The following LDLRAD3 variants were observed in gnomAD, a reference collection of about 807,000 sequenced individuals.
The protein encoded by LDLRAD3 is low-density lipoprotein receptor class A domain-containing protein 3.
A neutral mutation model predicts 29.4 loss-of-function variants in LDLRAD3; 20 were observed. That is an observed-to-expected ratio of 0.68 (90% CI 0.48 to 0.99). LDLRAD3 has a LOEUF of 0.99. Ranked by LOEUF, LDLRAD3 falls within the 50% of genes least tolerant of loss-of-function variation. LDLRAD3 has a pLI of 0.00. For missense variants in LDLRAD3, 420 were observed against 454.3 expected (o/e 0.92, Z 0.69); for synonymous variants, 157 against 192.7 (o/e 0.81, Z 1.53).
In LDLRAD3 at chr11:36,017,751, C is replaced by T. The variant is rs1852042332; in HGVS notation, c.47-18352C>T. Reference sequence around the variant, plus strand: ...TGTTGGCCAGGCTGGTCTCCAACTCCCGACCTCAAGTGATCCACCCGCTTG... The same window carrying T: ...TGTTGGCCAGGCTGGTCTCCAACTCTCGACCTCAAGTGATCCACCCGCTTG... On this transcript the variant is annotated intron_variant, in intron 1 of 5. Coordinates refer to ENST00000315571, the MANE Select transcript of LDLRAD3 (RefSeq NM_174902.4). Among the ~76,000 whole-genome samples the T allele has an allele frequency of 2.0e-5, 3 of 152,074 alleles. No individual in the cohort carries two copies. The South Asian group carries it at 6.2e-4, about 32-fold the overall frequency.
chr11:35,961,346 C>G (rs1415760524), intron 1 of LDLRAD3, among the ~76,000 whole-genome samples: 1 of 152,344 alleles, frequency 6.6e-6, no homozygotes, highest in African/African-American at 2.4e-5. Context: ...GTTCAGAAGG[C>G]AGGCTCTTGA....
rs531938520 is a variant in LDLRAD3, at chr11:36,010,463, A to T, written c.47-25640A>T. Reference sequence around the variant, plus strand: ...AAATTTCCAATAGCTTCCAAATTGGATTTTCTTATTACTTTTCTTTCCCAT... The same window carrying T: ...AAATTTCCAATAGCTTCCAAATTGGTTTTTCTTATTACTTTTCTTTCCCAT... On this transcript the variant is annotated intron_variant, in intron 1 of 5. Transcript: ENST00000315571. Among the ~76,000 whole-genome samples the T allele has an allele frequency of 2.0e-4, 30 of 152,176 alleles. 1 individual carries two copies. The South Asian group carries it at 5.4e-3, about 27-fold the overall frequency.
chr11:36,029,315 G>A (rs2133204492), intron 1 of LDLRAD3, among the ~76,000 whole-genome samples: 1 of 152,292 alleles, frequency 6.6e-6, no homozygotes, highest in South Asian at 2.1e-4. Flanking sequence ...TTCCGTAGAT[G>A]TCAGGTCTTC....
At chr11:35,950,005 T>C (rs1851111080) in intron 1 of LDLRAD3, among the ~76,000 whole-genome samples, 2 of 152,262 alleles carry the variant, frequency 1.3e-5, no homozygotes, top group Non-Finnish European at 2.9e-5. Context: ...TTTATTTGGT[T>C]GTTCGTCATT....
At chr11:36,191,580 A>ATATATG (rs1854949107) in intron 4 of LDLRAD3, among the ~76,000 whole-genome samples, 2 of 63,472 alleles carry the variant, frequency 3.2e-5, no homozygotes, top group African/African-American at 1.3e-4. Context: ...CTCTCTCTAT[A>ATATATG]TATATATATA....
chr11:36,078,466 G>T (rs1853053956), intron 2 of LDLRAD3, among the ~76,000 whole-genome samples: 1 of 152,194 alleles, frequency 6.6e-6, no homozygotes, highest in Admixed American at 6.5e-5. Context: ...GCTGCCCTGA[G>T]CGTGCACACA....
At chr11:36,212,407 A>G (rs1855294541) in intron 4 of LDLRAD3, among the ~76,000 whole-genome samples, 1 of 152,102 alleles carries the variant, frequency 6.6e-6, no homozygotes, top group South Asian at 2.1e-4. Context: ...TTCTGAAGCA[A>G]TGACACAATT....
chr11:35,960,786 G>A (rs866630353), intron 1 of LDLRAD3, among the ~76,000 whole-genome samples: 28 of 152,120 alleles, frequency 1.8e-4, no homozygotes, highest in Admixed American at 1.5e-3. Context: ...TAGTAGAGAC[G>A]GAGTCTCACC....
At chr11:36,033,176 C>G (rs1181949306) in intron 1 of LDLRAD3, among the ~76,000 whole-genome samples, 1 of 152,280 alleles carries the variant, frequency 6.6e-6, no homozygotes, top group Admixed American at 6.5e-5. Flanking sequence ...ACCGGCCCTC[C>G]TCATGCTTTG....
intron 4 of LDLRAD3, among the ~76,000 whole-genome samples, chr11:36,157,934 G>T (rs1854378317): frequency 6.6e-6 from 1 of 152,214 alleles, no homozygotes; most frequent in East Asian, 1.9e-4. Flanking sequence ...TCAGTAGAAG[G>T]TAACCTGTTG....
intron 4 of LDLRAD3, among the ~76,000 whole-genome samples, chr11:36,109,211 A>G (rs1565228942): frequency 6.6e-6 from 1 of 152,134 alleles, no homozygotes; most frequent in Non-Finnish European, 1.5e-5. Context: ...TTGGTCAAGG[A>G]GAGAATCTTT....
chr11:36,183,976 TTTTTC>T, intron 4 of LDLRAD3: 1 of 321,794 alleles, frequency 3.1e-6, no homozygotes, highest in Non-Finnish European at 6.0e-6. Flanking sequence ...TTTTTTTTTT[TTTTTC>T]CCGAGATGGA....
At chr11:36,036,543 C>T (rs1024036689) in intron 2 of LDLRAD3, among the ~76,000 whole-genome samples, 2 of 152,126 alleles carry the variant, frequency 1.3e-5, no homozygotes, top group Admixed American at 1.3e-4. Flanking sequence ...GCTTTATGTA[C>T]GAGCCAACTG....
chr11:36,110,695 G>A (rs1046295735), intron 4 of LDLRAD3, among the ~76,000 whole-genome samples: 1 of 152,194 alleles, frequency 6.6e-6, no homozygotes, highest in Non-Finnish European at 1.5e-5. Flanking sequence ...CCCAGGTACT[G>A]GAAGAAATAC....
At chr11:36,179,116 T>C (rs1854719741) in intron 4 of LDLRAD3, among the ~76,000 whole-genome samples, 1 of 149,956 alleles carries the variant, frequency 6.7e-6, no homozygotes, top group Non-Finnish European at 1.5e-5. Context: ...GACATGGGAA[T>C]CCCAGGGTGT....
rs183471022 is a variant in LDLRAD3 at position 36,069,433 on chromosome 11, G to A, written c.194-12220G>A. 8.5e-5 allele frequency among the ~76,000 whole-genome samples: 13 copies of A among 152,314 alleles called. No homozygotes were observed. In the East Asian group the frequency reaches 2.5e-3, roughly 29 times the overall value. On this transcript the variant is annotated intron_variant, in intron 2 of 5. Coordinates refer to ENST00000315571, the MANE Select transcript of LDLRAD3 (RefSeq NM_174902.4). ...ATATTAATAGCAGCAACATCAGATC[G>A]ACCGCTTTTTGCAGTTTTTAGCTAG...
At chr11:36,011,022 C>G (rs949356222) in intron 1 of LDLRAD3, among the ~76,000 whole-genome samples, 2 of 152,174 alleles carry the variant, frequency 1.3e-5, no homozygotes, top group African/African-American at 4.8e-5. Flanking sequence ...TCAGGCTGGT[C>G]TCGAACTCCT....
rs147009906 is a variant in LDLRAD3 at position 35,975,057 on chromosome 11, G to A, written c.46+30913G>A. 7.9e-3 allele frequency among the ~76,000 whole-genome samples: 1,199 copies of A among 152,268 alleles called. 4 individuals are homozygous for A. The highest frequency in any genetic ancestry group is 0.012 in the Admixed American group (191 of 15,300). On this transcript the variant is annotated intron_variant, in intron 1 of 5. Transcript: ENST00000315571. Reference sequence around the variant, plus strand: ...TGGAGCCTAACTCTGTCCAGTTGTGGACTTCATTTCGTAAGACCCTTTGGC... The same window carrying A: ...TGGAGCCTAACTCTGTCCAGTTGTGAACTTCATTTCGTAAGACCCTTTGGC...
intron 3 of LDLRAD3, among the ~76,000 whole-genome samples, chr11:36,095,386 T>TGTAGTAAGCCTTATCCATA: frequency 6.6e-6 from 1 of 152,192 alleles, no homozygotes; most frequent in East Asian, 1.9e-4. Context: ...AGACCTTGAG[T>TGTAGTAAGCCTTATCCATA]GTGGCACGTC....
Sources: gnomAD v4.1 joint callset for allele counts (sites outside exome capture counted in the v4.1 genomes callset) on GRCh38, gnomAD v4.1.1 for gene constraint, MANE v1.5 for transcripts, NCBI Gene and HGNC (gene_info 2026-07-23, HGNC 2026-07-21) for gene names.